The following VPS13B variants were observed in gnomAD, a reference collection of about 807,000 sequenced individuals.
VPS13B encodes intermembrane lipid transfer protein VPS13B.
Under a neutral mutation model 426.4 loss-of-function variants are expected in VPS13B, and 285 were observed. That is an observed-to-expected ratio of 0.67 (90% CI 0.61 to 0.74). VPS13B has a LOEUF of 0.74. Among genes scored for constraint, VPS13B ranks in the 30% least tolerant of loss-of-function variants. The pLI, the probability that VPS13B is intolerant of heterozygous loss-of-function variation, is 0.00. For synonymous variants in VPS13B, 1,676 were observed against 1,676.4 expected, an observed-to-expected ratio of 1.00 and a Z score of 0.01; for missense variants, 4,537 against 4,782.6, an observed-to-expected ratio of 0.95 and a Z score of 1.51.
intron 3 of VPS13B, among the ~76,000 whole-genome samples, chr8:99,063,945 A>C (rs968718299): frequency 6.6e-6 from 1 of 152,204 alleles, no homozygotes; most frequent in Non-Finnish European, 1.5e-5. Context: ...GGTGATACCC[A>C]GGTGAACAGG....
intron 35 of VPS13B, among the ~76,000 whole-genome samples, chr8:99,675,812 C>G (rs1361915655): frequency 6.6e-6 from 1 of 151,950 alleles, no homozygotes; most frequent in Non-Finnish European, 1.5e-5. Context: ...CTTTCAATCT[C>G]TTAAATTTCT....
At chr8:99,070,725 T>C (rs1285650821) in intron 3 of VPS13B, among the ~76,000 whole-genome samples, 1 of 152,202 alleles carries the variant, frequency 6.6e-6, no homozygotes, top group Admixed American at 6.5e-5. Flanking sequence ...TTGTTCAAAC[T>C]GTTACGTCAT....
At chr8:99,554,181 T>A (rs1824425632) in intron 30 of VPS13B, among the ~76,000 whole-genome samples, 1 of 152,162 alleles carries the variant, frequency 6.6e-6, no homozygotes, top group African/African-American at 2.4e-5. Flanking sequence ...TAGGTTGATT[T>A]GTCTTTTAAT....
intron 19 of VPS13B, among the ~76,000 whole-genome samples, chr8:99,343,093 C>G (rs1301542936): frequency 6.7e-6 from 1 of 149,342 alleles, no homozygotes; most frequent in African/African-American, 2.5e-5. Flanking sequence ...GCCCATTTTT[C>G]TTTCTTTTTT....
chr8:99,587,411 A>T (rs1248228598), intron 33 of VPS13B, among the ~76,000 whole-genome samples: 1 of 151,606 alleles, frequency 6.6e-6, no homozygotes, highest in Non-Finnish European at 1.5e-5. Context: ...GTCTTCCACA[A>T]TGGTTCAACT....
chr8:99,491,735 C>A (rs1380277300), intron 25 of VPS13B, among the ~76,000 whole-genome samples: 1 of 152,142 alleles, frequency 6.6e-6, no homozygotes. Flanking sequence ...GTCTTGTCTA[C>A]ACTGTTTATT....
chr8:99,615,555 T>G (rs1828049441), intron 33 of VPS13B, among the ~76,000 whole-genome samples: 1 of 152,248 alleles, frequency 6.6e-6, no homozygotes, highest in Admixed American at 6.5e-5. Context: ...TTGTAAGTTT[T>G]TAAAAACTCT....
intron 17 of VPS13B, among the ~76,000 whole-genome samples, chr8:99,244,733 A>G (rs1817121016): frequency 6.6e-6 from 1 of 151,066 alleles, no homozygotes; most frequent in African/African-American, 2.4e-5. Context: ...AAAATGATAA[A>G]CTTATGAGAG....
At chr8:99,169,765 T>C (rs1253484235) in intron 15 of VPS13B, among the ~76,000 whole-genome samples, 4 of 151,988 alleles carry the variant, frequency 2.6e-5, no homozygotes, top group African/African-American at 4.8e-5. Context: ...CTGAGGAGTA[T>C]GTATAGAAAT....
chr8:99,807,873 T>TAAA (rs35638213), intron 43 of VPS13B, among the ~76,000 whole-genome samples: 1 of 118,048 alleles, frequency 8.5e-6, no homozygotes, highest in Admixed American at 8.8e-5. Flanking sequence ...TATTCAGATT[T>TAAA]AAAAAAAAAA....
chr8:99,301,633 G>A (rs958422031), intron 19 of VPS13B, among the ~76,000 whole-genome samples: 2 of 151,766 alleles, frequency 1.3e-5, no homozygotes, highest in Non-Finnish European at 2.9e-5. Flanking sequence ...TTAATGGAAC[G>A]GGAGCTTATT....
chr8:99,353,412 T>C (rs766172132), intron 19 of VPS13B, among the ~76,000 whole-genome samples: 1 of 152,232 alleles, frequency 6.6e-6, no homozygotes, highest in Non-Finnish European at 1.5e-5. Context: ...CATTTAACCA[T>C]GTAGAGTTAG....
intron 3 of VPS13B, among the ~76,000 whole-genome samples, chr8:99,087,687 G>A (rs1369687360): frequency 2.0e-5 from 3 of 150,830 alleles, no homozygotes; most frequent in African/African-American, 7.3e-5. Flanking sequence ...GGTTCAAGCA[G>A]TTCTCCACCC....
chr8:99,845,032 C>A (rs1815908242), intron 54 of VPS13B, among the ~76,000 whole-genome samples: 1 of 152,136 alleles, frequency 6.6e-6, no homozygotes, highest in Admixed American at 6.5e-5. Flanking sequence ...CAAGTCATCT[C>A]AAGCAACAGT....
rs1317743414 is a variant in VPS13B, at chr8:99,356,453, G to A, written c.2825-27755G>A. Among the ~76,000 whole-genome samples the A allele has an allele frequency of 2.6e-5, 4 of 152,260 alleles. No individual in the cohort carries two copies. The East Asian group carries it at 7.7e-4, about 29-fold the overall frequency. On this transcript the variant is annotated intron_variant, in intron 19 of 61. Coordinates refer to ENST00000357162, the MANE Select transcript of VPS13B (RefSeq NM_152564.5). ...GCTGGAGACCAGGAATTCAAGACCA[G>A]CCTGGACAACATGGTGAGACCCTGT...
At chr8:99,373,773 T>C (rs938926995) in intron 19 of VPS13B, among the ~76,000 whole-genome samples, 1 of 151,982 alleles carries the variant, frequency 6.6e-6, no homozygotes, top group Non-Finnish European at 1.5e-5. Context: ...AGATGGGAGA[T>C]TGAGGCTACA....
chr8:99,520,338 A>G (rs1822311135), intron 29 of VPS13B, among the ~76,000 whole-genome samples: 1 of 151,368 alleles, frequency 6.6e-6, no homozygotes, highest in Non-Finnish European at 1.5e-5. Flanking sequence ...CATTGCAGCC[A>G]TCATATTTCT....
intron 54 of VPS13B, among the ~76,000 whole-genome samples, chr8:99,847,873 C>T (rs1816062053): frequency 6.6e-6 from 1 of 152,154 alleles, no homozygotes; most frequent in South Asian, 2.1e-4. Context: ...AAGAGGCCAC[C>T]TTTGTTCCGT....
chr8:99,331,360 A>C (rs951975457), intron 19 of VPS13B, among the ~76,000 whole-genome samples: 1 of 151,640 alleles, frequency 6.6e-6, no homozygotes, highest in Non-Finnish European at 1.5e-5. Flanking sequence ...CAGGTAAATG[A>C]CCATAGAACT....
Sources: allele counts gnomAD v4.1 joint callset (sites outside exome capture counted in the v4.1 genomes callset), GRCh38; gene constraint gnomAD v4.1.1; transcripts MANE v1.5; gene names NCBI Gene and HGNC (gene_info 2026-07-23, HGNC 2026-07-21).